Variants in STK24 observed in about 807,000 individuals in gnomAD.
STK24 encodes the protein serine/threonine-protein kinase 24.
STK24 carries 21 observed loss-of-function variants against 55.6 expected under a neutral mutation model. The observed-to-expected ratio is 0.38, with a 90% CI of 0.27 to 0.54. STK24 has a LOEUF of 0.54. STK24 is among the 20% of genes least tolerant of loss of function. The probability of loss-of-function intolerance (pLI) is 0.79; values close to 1 mark genes in which losing one functional copy is unlikely to be tolerated. For synonymous variants in STK24, 200 were observed against 215.2 expected (o/e 0.93, Z 0.62); for missense variants, 383 against 538.4 (o/e 0.71, Z 2.86).
At chr13:98,529,576 C>T (rs1464832733) in intron 1 of STK24, among the ~76,000 whole-genome samples, 3 of 152,308 alleles carry the variant, frequency 2.0e-5, no homozygotes, top group South Asian at 4.1e-4. Context: ...TGTCTACAAG[C>T]GCCAAAGGTC....
intron 2 of STK24, among the ~76,000 whole-genome samples, chr13:98,516,669 A>C (rs1896072385): frequency 6.6e-6 from 1 of 152,008 alleles, no homozygotes; most frequent in Non-Finnish European, 1.5e-5. Flanking sequence ...ACGCTGACTT[A>C]TGGCAGCTGA....
At chr13:98,484,026 T>C (rs1594599044) in intron 2 of STK24, among the ~76,000 whole-genome samples, 1 of 152,230 alleles carries the variant, frequency 6.6e-6, no homozygotes, top group Non-Finnish European at 1.5e-5. Context: ...CCTCGAATGA[T>C]GTGTCTGACA....
At chr13:98,491,917 A>G (rs1895051352) in intron 2 of STK24, among the ~76,000 whole-genome samples, 1 of 152,234 alleles carries the variant, frequency 6.6e-6, no homozygotes, top group Non-Finnish European at 1.5e-5. Flanking sequence ...TAATGCAAAT[A>G]AAACACATGG....
intron 1 of STK24, among the ~76,000 whole-genome samples, chr13:98,535,555 A>T (rs1896706649): frequency 6.6e-6 from 1 of 152,238 alleles, no homozygotes; most frequent in East Asian, 1.9e-4. Context: ...AATAAACAGT[A>T]ACAAACAGTG....
At chr13:98,572,006 A>C (rs914486725) in intron 1 of STK24, among the ~76,000 whole-genome samples, 1 of 152,188 alleles carries the variant, frequency 6.6e-6, no homozygotes, top group Non-Finnish European at 1.5e-5. Flanking sequence ...TACAGATGCA[A>C]GGCCTCCCCC....
chr13:98,482,232 T>C (rs1383796644), intron 3 of STK24, 33 bp downstream of exon 3: 8 of 1,302,148 alleles, frequency 6.1e-6, no homozygotes, highest in Non-Finnish European at 8.4e-6. Flanking sequence ...GAAAAAGCTT[T>C]GATACGTATT....
intron 2 of STK24, among the ~76,000 whole-genome samples, chr13:98,490,279 C>A (rs1403480036): frequency 1.3e-5 from 2 of 152,116 alleles, no homozygotes; most frequent in Non-Finnish European, 2.9e-5. Context: ...TCTGCAGGCC[C>A]CAAATGCTGA....
intron 1 of STK24, among the ~76,000 whole-genome samples, chr13:98,529,605 T>C (rs1008103761): frequency 5.3e-5 from 8 of 152,138 alleles, no homozygotes; most frequent in African/African-American, 1.7e-4. Context: ...TATGAGTCCC[T>C]TTATAGAAAA....
At chr13:98,487,701 A>AT (rs1186574492) in intron 2 of STK24, among the ~76,000 whole-genome samples, 1 of 152,152 alleles carries the variant, frequency 6.6e-6, no homozygotes, top group Non-Finnish European at 1.5e-5. Context: ...GGACTTCCTC[A>AT]TTTTTTTAAC....
chr13:98,522,902 C>T (rs745760495), intron 1 of STK24, among the ~76,000 whole-genome samples: 1 of 152,178 alleles, frequency 6.6e-6, no homozygotes, highest in Non-Finnish European at 1.5e-5. Context: ...AGGGGAAAGC[C>T]CTTCCTGCTG....
At chr13:98,496,095 G>A (rs561738571) in intron 2 of STK24, among the ~76,000 whole-genome samples, 4 of 152,332 alleles carry the variant, frequency 2.6e-5, no homozygotes, top group South Asian at 2.1e-4. Context: ...ACACTCATGC[G>A]GGAGGGGACA....
intron 2 of STK24, among the ~76,000 whole-genome samples, chr13:98,486,055 G>A (rs1002000612): frequency 2.2e-4 from 34 of 152,158 alleles, no homozygotes; most frequent in African/African-American, 7.7e-4. Flanking sequence ...GGGGCCTGTC[G>A]GAGGGTGGTG....
At chr13:98,569,478 A>G (rs750116269) in intron 1 of STK24, among the ~76,000 whole-genome samples, 7 of 151,982 alleles carry the variant, frequency 4.6e-5, no homozygotes, top group Non-Finnish European at 7.4e-5. Flanking sequence ...GAAGGAACCC[A>G]GAGGATGAGA....
At chr13:98,468,025 A>C (rs1594581761) in intron 5 of STK24, among the ~76,000 whole-genome samples, 1 of 152,164 alleles carries the variant, frequency 6.6e-6, no homozygotes, top group East Asian at 1.9e-4. Context: ...AATCGAATAC[A>C]TCTCTCACAC....
At chr13:98,503,077 T>C (rs2139349239) in intron 2 of STK24, among the ~76,000 whole-genome samples, 1 of 136,212 alleles carries the variant, frequency 7.3e-6, no homozygotes, top group South Asian at 2.4e-4. Flanking sequence ...CAGTTAAATG[T>C]GCTCTAGGGG....
intron 1 of STK24, chr13:98,542,951 G>A (rs1282872439): frequency 1.0e-6 from 1 of 985,290 alleles, no homozygotes; most frequent in Non-Finnish European, 1.2e-6. Flanking sequence ...CGATGGGACG[G>A]AGTACCAAGT....
At chr13:98,508,331 TAA>T (rs751494392) in intron 2 of STK24, among the ~76,000 whole-genome samples, 5 of 152,176 alleles carry the variant, frequency 3.3e-5, no homozygotes, top group Non-Finnish European at 7.3e-5. Flanking sequence ...ACTAGTGTGA[TAA>T]AGTCAGAGAA....
rs987599499 is a variant in STK24, at chr13:98,445,410, C to T, written c.*7763G>A. 3 of 152,204 alleles carry T rather than the reference C, an allele frequency of 2.0e-5. No individual in the cohort carries two copies. The highest frequency in any genetic ancestry group is 7.2e-5 in the African/African-American group (3 of 41,434). 9.4% of individuals were successfully genotyped at this position (152,204 alleles called of 1,614,324 possible). ...AGGTAGCATGGACACAGGTGCCTGT[C>T]CCTGCCCCCTAGCTGGGCTGCAGCG... On this transcript the variant is annotated 3_prime_UTR_variant, in exon 11 of 11. Transcript: ENST00000539966.
At chr13:98,527,228 C>A in intron 1 of STK24, among the ~76,000 whole-genome samples, 1 of 152,168 alleles carries the variant, frequency 6.6e-6, no homozygotes, top group East Asian at 1.9e-4. Flanking sequence ...GTAATCCCAG[C>A]ACCTTGGGAG....
Sources: allele counts gnomAD v4.1 joint callset (sites outside exome capture counted in the v4.1 genomes callset), GRCh38; gene constraint gnomAD v4.1.1; transcripts MANE v1.5; gene names NCBI Gene and HGNC (gene_info 2026-07-23, HGNC 2026-07-21).